The following RCAN3 variants were observed in gnomAD, a reference collection of about 807,000 sequenced individuals.
RCAN3 encodes calcipressin-3.
In RCAN3, 19 loss-of-function variants were observed where a neutral mutation model predicts 21.9. That is an observed-to-expected ratio of 0.87 (90% CI 0.61 to 1.27). The LOEUF (loss-of-function observed/expected upper bound fraction) is 1.27, where lower values mean the gene tolerates loss of function less well. Among genes scored for constraint, RCAN3 ranks in the 50% most tolerant of loss-of-function variants. The pLI is 0.00. For missense variants in RCAN3, 240 were observed against 300.1 expected (o/e 0.80, Z 1.48); for synonymous variants, 114 against 112.3 (o/e 1.01, Z -0.09).
Position 24,533,171 on chromosome 1 carries a change from C to T in RCAN3, c.458C>T (p.Pro153Leu). The T allele has an allele frequency of 6.2e-7, 1 of 1,607,156 alleles. No homozygotes were observed. Among genetic ancestry groups the T allele is most frequent in the Non-Finnish European group, 8.5e-7 (1 of 1,177,792 alleles). The stretch of plus-strand genomic sequence containing the variant: ...TTCCTCATCTCCCCTCCAGCCTCTC[C>T]CCCGGTGGGGTGGAAGCAGAGCGAA... ...KQFLISPPAS[P>L]PVGWKQSEDA... The change falls in exon 4 of 5, where the codon CCC becomes CTC. Residue 153 changes from proline to leucine, a missense_variant. By Grantham distance (98) the Pro-to-Leu change is moderately conservative. Transcript: ENST00000374395.
chr1:24,511,708 A>G (rs1421368402), intron 1 of RCAN3, among the ~76,000 whole-genome samples: 1 of 152,248 alleles, frequency 6.6e-6, no homozygotes, highest in African/African-American at 2.4e-5. Context: ...CATGTCAGAC[A>G]TGAAGTGAGC....
chr1:24,502,761 CCCG>C (rs1189906819), upstream of RCAN3: 1 of 151,036 alleles, frequency 6.6e-6, no homozygotes, highest in Non-Finnish European at 1.5e-5. Context: ...CCCGCGCGCC[CCCG>C]CCCCGGTCCC....
At chr1:24,518,777 T>TA (rs1261370739) in intron 2 of RCAN3, among the ~76,000 whole-genome samples, 1 of 151,522 alleles carries the variant, frequency 6.6e-6, no homozygotes, top group Non-Finnish European at 1.5e-5. Context: ...TTTATTTATT[T>TA]ATTTATTTAT....
At position 24,514,400 on chromosome 1, in the gene RCAN3, A is replaced by G. The variant is rs750827792; in HGVS notation, c.28A>G (p.Asn10Asp). Residue 10 changes from asparagine to aspartate, a missense_variant, in exon 2 of 5, where the codon AAT (asparagine) becomes GAT (aspartate). By Grantham distance (23) the Asn-to-Asp change is conservative. Coordinates refer to ENST00000374395, the MANE Select transcript of RCAN3 (RefSeq NM_013441.4). MLRDTMKSW[N>D]DSQSDLCSTD... ...GCTGAGGGACACTATGAAATCTTGG[A>G]ATGATAGCCAGTCAGATCTGTGTAG... 1.9e-6 allele frequency: 3 copies of G among 1,613,788 alleles called. No individual in the cohort carries two copies. The Admixed American group carries it at 5.0e-5, about 27-fold the overall frequency.
chr1:24,536,082 C>A lies in RCAN3; in HGVS notation c.*805C>A, dbSNP rs1330075776. 5 of 152,306 alleles carry A rather than the reference C, an allele frequency of 3.3e-5. No individual in the cohort carries two copies. The highest frequency in any genetic ancestry group is 1.2e-4 in the African/African-American group (5 of 41,568). 9.4% of individuals were successfully genotyped at this position (152,306 alleles called of 1,614,324 possible). A position where few individuals can be genotyped will look rare whatever the true frequency, so the allele number is the denominator to read the frequency against. ...GGCTACTGCATTCTGCCGTTCGTGACCGTGTTCTAGCCTGTAGACCACCCA... is the reference window on the plus strand; with the variant it reads ...GGCTACTGCATTCTGCCGTTCGTGAACGTGTTCTAGCCTGTAGACCACCCA... On this transcript the variant is annotated 3_prime_UTR_variant, in exon 5 of 5. Transcript: ENST00000374395.
chr1:24,526,364 T>C (rs547899932), intron 2 of RCAN3, among the ~76,000 whole-genome samples: 1 of 152,232 alleles, frequency 6.6e-6, no homozygotes, highest in Non-Finnish European at 1.5e-5. Context: ...TGCCTGGCCA[T>C]TTTGTTATAA....
Position 24,537,212 on chromosome 1 carries a change from A to G in RCAN3, c.*1935A>G, listed in dbSNP as rs1477636694. 1 of 152,046 alleles carries G rather than the reference A, an allele frequency of 6.6e-6. No individual in the cohort carries two copies. Among genetic ancestry groups the G allele is most frequent in the Non-Finnish European group, 1.5e-5 (1 of 68,008 alleles). 9.4% of individuals were successfully genotyped at this position (152,046 alleles called of 1,614,324 possible). ...CTGCCTGCCCATTAAAGAATATTCT[A>G]TTCCTAACACATAAAACATTTTACA... On this transcript the variant is annotated 3_prime_UTR_variant, in exon 5 of 5. Coordinates refer to ENST00000374395, the MANE Select transcript of RCAN3 (RefSeq NM_013441.4).
chr1:24,524,156 G>A (rs936270393), intron 2 of RCAN3, among the ~76,000 whole-genome samples: 1 of 152,122 alleles, frequency 6.6e-6, no homozygotes, highest in Non-Finnish European at 1.5e-5. Flanking sequence ...CTTGAACCTG[G>A]GAGGCAGAGG....
chr1:24,512,490 C>G (rs1256396287), intron 1 of RCAN3, among the ~76,000 whole-genome samples: 3 of 152,008 alleles, frequency 2.0e-5, no homozygotes, highest in Non-Finnish European at 4.4e-5. Flanking sequence ...TCTTCACTCC[C>G]CAACACCAAG....
chr1:24,523,249 G>C (rs1377982072), intron 2 of RCAN3, among the ~76,000 whole-genome samples: 4 of 152,006 alleles, frequency 2.6e-5, no homozygotes, highest in Non-Finnish European at 5.9e-5. Flanking sequence ...ATTTTTAGTG[G>C]AGACGGGGCT....
upstream of RCAN3, chr1:24,502,393 G>C (rs989734933): frequency 2.6e-5 from 4 of 152,502 alleles, no homozygotes; most frequent in Non-Finnish European, 5.9e-5. Flanking sequence ...CTCTCCTCGG[G>C]CAATGAGGCG....
chr1:24,531,220 A>G lies in RCAN3; in HGVS notation c.198A>G (p.Glu66=). 6.6e-7 allele frequency: 1 copy of G among 1,520,570 alleles called. No homozygotes were observed. Among genetic ancestry groups the G allele is most frequent in the East Asian group, 2.3e-5 (1 of 43,122 alleles). The allele number at this position is 1,520,570 out of a possible 1,614,324, so 94.2% of individuals were successfully genotyped here. ...EAVFEAREQK[E]RFEALFTIYD... ...GCCTTGCTGCTCCTTAATTGTAGGAAAGATTTGAAGCACTCTTCACCATCT... is the reference window on the plus strand; with the variant it reads ...GCCTTGCTGCTCCTTAATTGTAGGAGAGATTTGAAGCACTCTTCACCATCT... The change falls in exon 3 of 5, where the codon GAA becomes GAG. Residue 66 remains glutamate, a splice_region_variant and synonymous_variant. Coordinates refer to ENST00000374395, the MANE Select transcript of RCAN3 (RefSeq NM_013441.4).
rs1446546963 is a variant in RCAN3, at chr1:24,540,279, G to A, written c.*5002G>A. 2.0e-5 allele frequency: 3 copies of A among 152,660 alleles called. No individual in the cohort carries two copies. The highest frequency in any genetic ancestry group is 1.9e-4 in the East Asian group (1 of 5,190). 9.5% of individuals were successfully genotyped at this position (152,660 alleles called of 1,614,324 possible). ...AGAACTAACCTGGGGCTGAGTCAGC[G>A]TCTCTACCCACTTAAATAACAGCGT... On this transcript the variant is annotated 3_prime_UTR_variant, in exon 5 of 5. Coordinates refer to ENST00000374395, the MANE Select transcript of RCAN3 (RefSeq NM_013441.4).
chr1:24,534,954 C>T (rs1217512470), intron 4 of RCAN3, 139 bp from the exon 5 acceptor site: 3 of 794,600 alleles, frequency 3.8e-6, no homozygotes, highest in Admixed American at 3.6e-5. Flanking sequence ...AGATAAAATA[C>T]TCTAACATAG....
chr1:24,540,753 C>T lies in RCAN3; in HGVS notation c.*5476C>T, dbSNP rs2148919205. ...TCTGTTATATTTTGGGGCATGTTAC[C>T]TTTATGGTATATAAGCTGTAGTGCA... On this transcript the variant is annotated 3_prime_UTR_variant, in exon 5 of 5. Transcript: ENST00000374395. The T allele has an allele frequency of 6.6e-6, 1 of 152,202 alleles. No homozygotes were observed. Among genetic ancestry groups the T allele is most frequent in the Admixed American group, 6.5e-5 (1 of 15,284 alleles). The allele number at this position is 152,202 out of a possible 1,614,324, so 9.4% of individuals were successfully genotyped here.
chr1:24,538,444 G>T lies in RCAN3; in HGVS notation c.*3167G>T, dbSNP rs926092506. 2.6e-5 allele frequency: 4 copies of T among 151,114 alleles called. No individual in the cohort carries two copies. The East Asian group carries it at 7.7e-4, about 29-fold the overall frequency. The allele number at this position is 151,114 out of a possible 1,614,324, so 9.4% of individuals were successfully genotyped here. ...TTTTGAGACAGAGTCTCACTCTGTC[G>T]CCCAGGCTGGAGCGCAGCCGCGTGA... On this transcript the variant is annotated 3_prime_UTR_variant, in exon 5 of 5. Transcript: ENST00000374395.
At chr1:24,508,233 A>G (rs1047289945) in intron 1 of RCAN3, among the ~76,000 whole-genome samples, 1 of 152,258 alleles carries the variant, frequency 6.6e-6, no homozygotes, top group African/African-American at 2.4e-5. Context: ...GTATGTAGGC[A>G]GGAAAGACCA....
intron 1 of RCAN3, among the ~76,000 whole-genome samples, chr1:24,508,131 A>AAG (rs1647590199): frequency 6.6e-6 from 1 of 152,144 alleles, no homozygotes; most frequent in African/African-American, 2.4e-5. Flanking sequence ...AAAAGAAAGA[A>AAG]AAAGTGAAAA....
rs1553153326 is a variant in RCAN3 at position 24,538,571 on chromosome 1, A to ATTTTAAT, written c.*3298_*3299insAATTTTT. The ATTTTAAT allele has an allele frequency of 2.4e-4, 30 of 127,532 alleles. No individual in the cohort carries two copies. The highest frequency in any genetic ancestry group is 9.2e-4 in the African/African-American group (29 of 31,640). 7.9% of individuals were successfully genotyped at this position (127,532 alleles called of 1,614,324 possible). On this transcript the variant is annotated 3_prime_UTR_variant, in exon 5 of 5. Coordinates refer to ENST00000374395, the MANE Select transcript of RCAN3 (RefSeq NM_013441.4). ...AGGCGCCCGCTCCCACGCCCGGCTA[A>ATTTTAAT]TTTTTTTTTTTTTTTTTTTTATAAG...
Sources: gnomAD v4.1 joint callset for allele counts (sites outside exome capture counted in the v4.1 genomes callset) on GRCh38, gnomAD v4.1.1 for gene constraint, MANE v1.5 for transcripts, NCBI Gene and HGNC (gene_info 2026-07-23, HGNC 2026-07-21) for gene names.